Variants in MYO7A observed in about 807,000 individuals in gnomAD.
MYO7A encodes the protein myosin VIIA, also known as unconventional myosin-VIIa.
Under a neutral mutation model 263.8 loss-of-function variants are expected in MYO7A, and 210 were observed. The observed-to-expected ratio is 0.80, with a 90% confidence interval of 0.71 to 0.89. The LOEUF (loss-of-function observed/expected upper bound fraction) is 0.89, where lower values mean the gene tolerates loss of function less well. MYO7A is among the 40% of genes least tolerant of loss of function. The pLI, the probability that MYO7A is intolerant of heterozygous loss-of-function variation, is 0.00. For synonymous variants in MYO7A, 1,239 were observed against 1,197.3 expected (o/e 1.03, Z -0.72); for missense variants, 2,820 against 2,968.3 (o/e 0.95, Z 1.16).
intron 2 of MYO7A, among the ~76,000 whole-genome samples, chr11:77,133,828 T>A (rs1429342374): frequency 1.3e-5 from 2 of 151,692 alleles, no homozygotes; most frequent in Non-Finnish European, 2.9e-5. Flanking sequence ...ACTGCTCTTT[T>A]GTGTTTAATT....
At position 77,150,864 on chromosome 11, in the gene MYO7A, A is replaced by G. The variant is rs150531741; in HGVS notation, c.285+2914A>G. 1.4e-3 allele frequency among the ~76,000 whole-genome samples: 213 copies of G among 152,324 alleles called. 2 individuals are homozygous for G. Among genetic ancestry groups the G allele is most frequent in the African/African-American group, 4.8e-3 (199 of 41,568 alleles). On this transcript the variant is annotated intron_variant, in intron 4 of 48. Transcript: ENST00000409709. ...GACTTGGTGGATGAGGTAGGATTAG[A>G]GCAGGGCTTTGAAGAAGCAACTGGG...
At chr11:77,167,933 C>G (rs1555073704) in intron 15 of MYO7A, among the ~76,000 whole-genome samples, 1 of 152,132 alleles carries the variant, frequency 6.6e-6, no homozygotes, top group Non-Finnish European at 1.5e-5. Flanking sequence ...CACACAAGGC[C>G]AACCTGAGAG....
intron 19 of MYO7A, 75 bp from the exon 20 acceptor site, chr11:77,178,970 C>A: frequency 1.6e-6 from 2 of 1,215,800 alleles, no homozygotes; most frequent in South Asian, 1.3e-5. Flanking sequence ...CTCAGCGTGC[C>A]CTCCTGATCC....
At chr11:77,210,899 G>A (rs1957815503) in intron 44 of MYO7A, 1 of 463,916 alleles carries the variant, frequency 2.2e-6, no homozygotes, top group Non-Finnish European at 3.9e-6. Context: ...GGACTGTTAT[G>A]GGGGGACATG....
intron 4 of MYO7A, among the ~76,000 whole-genome samples, chr11:77,155,624 C>T (rs192082474): frequency 2.0e-5 from 3 of 152,220 alleles, no homozygotes; most frequent in Admixed American, 6.5e-5. Context: ...CAAACAGTTA[C>T]GCTCATTTTA....
At chr11:77,182,930 G>C in intron 25 of MYO7A, 138 bp from the exon 26 acceptor site, 1 of 793,334 alleles carries the variant, frequency 1.3e-6, no homozygotes, top group Middle Eastern at 3.3e-4. Flanking sequence ...GGGGTGAGCA[G>C]GTGGACGGTG....
At chr11:77,163,111 T>TAG in intron 14 of MYO7A, 123 bp downstream of exon 14, 1 of 1,044,592 alleles carries the variant, frequency 9.6e-7, no homozygotes, top group Non-Finnish European at 1.4e-6. Context: ...TTCATATATA[T>TAG]ATATATATGA....
chr11:77,194,240 C>A, intron 31 of MYO7A, 114 bp from the exon 32 acceptor site: 1 of 1,260,654 alleles, frequency 7.9e-7, no homozygotes, highest in Non-Finnish European at 1.1e-6. Context: ...AAAGGCCAGG[C>A]TCTGAGAGCT....
intron 2 of MYO7A, among the ~76,000 whole-genome samples, chr11:77,132,016 G>T (rs531434202): frequency 6.6e-6 from 1 of 152,018 alleles, no homozygotes; most frequent in Non-Finnish European, 1.5e-5. Flanking sequence ...CACAGCTGCC[G>T]ATGAGAGGCT....
intron 2 of MYO7A, among the ~76,000 whole-genome samples, chr11:77,139,864 T>C (rs1951101687): frequency 6.6e-6 from 1 of 152,144 alleles, no homozygotes; most frequent in South Asian, 2.1e-4. Context: ...CCTTACAACC[T>C]GCCTGCCTTG....
At chr11:77,204,360 T>C (rs1388986050) in intron 39 of MYO7A, 131 bp downstream of exon 39, 3 of 1,294,306 alleles carry the variant, frequency 2.3e-6, no homozygotes, top group African/African-American at 2.9e-5. Flanking sequence ...GAGCTGCTCA[T>C]GGGCCCCCTC....
At position 77,172,742 on chromosome 11, in the gene MYO7A, C is replaced by G; in HGVS notation, c.1798-6C>G. The G allele has an allele frequency of 6.4e-7, 1 of 1,554,218 alleles. No individual in the cohort carries two copies. The highest frequency in any genetic ancestry group is 8.7e-7 in the Non-Finnish European group (1 of 1,149,802). Reference sequence around the variant, plus strand: ...CCCCTCCCATCGCTGCCGTCCGTCCCCCCAGGGCGCCGAGACCAGGAAGCG... The same window carrying G: ...CCCCTCCCATCGCTGCCGTCCGTCCGCCCAGGGCGCCGAGACCAGGAAGCG... On this transcript the variant is annotated splice_polypyrimidine_tract_variant and splice_region_variant and intron_variant, in intron 15 of 48. Transcript: ENST00000409709.
Position 77,161,037 on chromosome 11 carries a change from C to T in MYO7A, c.1265C>T (p.Pro422Leu). ...DKINAAIYKPPSQDVKNSRRS... is the reference protein window; with the variant it reads ...DKINAAIYKPLSQDVKNSRRS... ...ATCAACGCAGCAATTTACAAGCCTC[C>T]CTCCCAGGATGTGAAGAACTCTCGC... The change falls in exon 12 of 49, where the codon CCC becomes CTC. Residue 422 changes from proline (P) to leucine (L), a missense_variant. Transcript: ENST00000409709. 6.2e-7 allele frequency: 1 copy of T among 1,613,754 alleles called. No homozygotes were observed. Among genetic ancestry groups the T allele is most frequent in the Non-Finnish European group, 8.5e-7 (1 of 1,179,820 alleles).
chr11:77,169,969 A>G (rs1565376561), intron 15 of MYO7A, among the ~76,000 whole-genome samples: 1 of 152,190 alleles, frequency 6.6e-6, no homozygotes, highest in Non-Finnish European at 1.5e-5. Context: ...CCAGCTATTC[A>G]GGAGGCTGAG....
rs370618059 is a variant in MYO7A, at chr11:77,151,452, AT to A, written c.285+3503del. Among the ~76,000 whole-genome samples, 182 of 152,212 alleles carry A rather than the reference AT, an allele frequency of 1.2e-3. 1 individual carries two copies. The highest frequency in any genetic ancestry group is 6.2e-3 in the South Asian group (30 of 4,814). On this transcript the variant is annotated intron_variant, in intron 4 of 48. Transcript: ENST00000409709. ...GTTCTTGGTCTCCATGGCCCGCTAA[AT>A]GCTAACGAAGTCCCCAGAGCCGACA...
At chr11:77,141,140 A>T (rs147372426) in intron 2 of MYO7A, among the ~76,000 whole-genome samples, 46 of 152,314 alleles carry the variant, frequency 3.0e-4, no homozygotes, top group Non-Finnish European at 5.6e-4. Context: ...AGTGGGCTGT[A>T]CCATCTAGGT....
intron 35 of MYO7A, 31 bp downstream of exon 35, chr11:77,199,849 A>G: frequency 6.5e-7 from 1 of 1,549,642 alleles, no homozygotes; most frequent in Admixed American, 1.8e-5. Flanking sequence ...ACTGCCTGGC[A>G]CTGGGGGTCA....
At chr11:77,197,071 C>T (rs1027827978) in intron 32 of MYO7A, among the ~76,000 whole-genome samples, 6 of 152,182 alleles carry the variant, frequency 3.9e-5, no homozygotes, top group African/African-American at 7.2e-5. Context: ...TGGCTCCGCA[C>T]GCTGTGTCCC....
chr11:77,166,022 C>A, intron 14 of MYO7A, 34 bp from the exon 15 acceptor site: 1 of 1,529,896 alleles, frequency 6.5e-7, no homozygotes, highest in South Asian at 1.1e-5. Context: ...CCTGCCAGAG[C>A]TGGTGAGAGG....
Sources: allele counts gnomAD v4.1 joint callset (sites outside exome capture counted in the v4.1 genomes callset), GRCh38; gene constraint gnomAD v4.1.1; transcripts MANE v1.5; gene names NCBI Gene and HGNC (gene_info 2026-07-23, HGNC 2026-07-21).